Variants in RAD51B observed in about 807,000 individuals in gnomAD.
RAD51B encodes RAD51 paralog B, also known as DNA repair protein RAD51 homolog 2.
RAD51B carries 38 observed loss-of-function variants against 42.2 expected under a neutral mutation model. The ratio of observed to expected loss-of-function variants is 0.90; its 90% confidence interval spans 0.70 to 1.18. The LOEUF is 1.18. RAD51B is among the 50% of genes most tolerant of loss of function. The pLI, the probability that RAD51B is intolerant of heterozygous loss-of-function variation, is 0.00. For synonymous variants in RAD51B, 154 were observed against 145.2 expected (o/e 1.06, Z -0.43); for missense variants, 373 against 400.7 (o/e 0.93, Z 0.59).
chr14:68,071,114 T>C (rs531217206), intron 7 of RAD51B, among the ~76,000 whole-genome samples: 1 of 152,262 alleles, frequency 6.6e-6, no homozygotes, highest in South Asian at 2.1e-4. Context: ...ATGACATTGA[T>C]TTTGTATGCT....
chr14:68,393,037 G>A (rs558721409), intron 8 of RAD51B, among the ~76,000 whole-genome samples: 79 of 152,226 alleles, frequency 5.2e-4, no homozygotes, highest in Admixed American at 2.0e-3. Context: ...CCCCTATTGG[G>A]AAGGAGAAGA....
At chr14:68,203,552 A>G (rs1304403869) in intron 7 of RAD51B, among the ~76,000 whole-genome samples, 2 of 152,214 alleles carry the variant, frequency 1.3e-5, no homozygotes, top group Non-Finnish European at 2.9e-5. Flanking sequence ...GCTTCAAGTT[A>G]GAGTCATCAG....
At chr14:68,146,577 T>C (rs2078254060) in intron 7 of RAD51B, among the ~76,000 whole-genome samples, 1 of 152,172 alleles carries the variant, frequency 6.6e-6, no homozygotes, top group Non-Finnish European at 1.5e-5. Flanking sequence ...CTTAAGGAAC[T>C]AGACAGAATT....
intron 10 of RAD51B, among the ~76,000 whole-genome samples, chr14:68,513,665 G>A (rs1423554624): frequency 6.6e-6 from 1 of 152,216 alleles, no homozygotes; most frequent in African/African-American, 2.4e-5. Context: ...CAGGGGAGCA[G>A]AGAGAAAGGG....
At chr14:67,858,653 G>A (rs115111709) in intron 4 of RAD51B, among the ~76,000 whole-genome samples, 269 of 152,338 alleles carry the variant, frequency 1.8e-3, no homozygotes, top group African/African-American at 6.3e-3. Context: ...CCAGAGGAAA[G>A]CGTGCCAAAC....
Position 67,825,546 on chromosome 14 carries a change from T to G in RAD51B, c.167T>G (p.Val56Gly), listed in dbSNP as rs2040800864. Reference protein sequence around the residue: ...YRGVHELLCMVSRACAPKMQT... With the variant: ...YRGVHELLCMGSRACAPKMQT... The stretch of plus-strand genomic sequence containing the variant: ...GGTGTCCATGAACTTCTATGTATGG[T>G]CAGCAGGGCCTGTGCCCCAAAGATG... The change falls in exon 3 of 11, where the codon GTC (valine) becomes GGC (glycine). Residue 56 changes from valine to glycine, a missense_variant. Val to Gly is a moderately radical substitution (Grantham distance 109). Coordinates refer to ENST00000471583, the MANE Select transcript of RAD51B (RefSeq NM_133510.4). 3 of 1,612,772 alleles carry G rather than the reference T, an allele frequency of 1.9e-6. No homozygotes were observed. Among genetic ancestry groups the G allele is most frequent in the Non-Finnish European group, 1.7e-6 (2 of 1,179,156 alleles).
At chr14:68,666,755 A>G (rs539084536) in intron 11 of RAD51B, among the ~76,000 whole-genome samples, 1 of 152,360 alleles carries the variant, frequency 6.6e-6, no homozygotes, top group East Asian at 1.9e-4. Context: ...TTTCCTATGA[A>G]ATAATAAAAA....
chr14:68,533,950 T>C (rs1252652902), intron 10 of RAD51B, among the ~76,000 whole-genome samples: 2 of 152,180 alleles, frequency 1.3e-5, no homozygotes, highest in Non-Finnish European at 2.9e-5. Context: ...TGTAAGGCAG[T>C]GTTTATAACA....
chr14:68,544,765 T>TAA (rs1888135305), intron 10 of RAD51B, among the ~76,000 whole-genome samples: 1 of 152,144 alleles, frequency 6.6e-6, no homozygotes, highest in African/African-American at 2.4e-5. Flanking sequence ...GCATCAAGCC[T>TAA]AAAAAAATGC....
intron 9 of RAD51B, among the ~76,000 whole-genome samples, chr14:68,440,974 T>C (rs1426577884): frequency 1.3e-5 from 2 of 152,212 alleles, no homozygotes; most frequent in Admixed American, 6.5e-5. Context: ...AGGATACTTA[T>C]GTAGTTGTTT....
chr14:68,681,252 C>G (rs1893423748), intron 11 of RAD51B, among the ~76,000 whole-genome samples: 2 of 152,054 alleles, frequency 1.3e-5, no homozygotes, highest in Admixed American at 6.6e-5. Context: ...AAGATAGTTG[C>G]TAGGGTTTAT....
At chr14:68,627,722 C>G (rs1426310520) in intron 10 of RAD51B, among the ~76,000 whole-genome samples, 2 of 152,202 alleles carry the variant, frequency 1.3e-5, no homozygotes, top group East Asian at 1.9e-4. Flanking sequence ...CCACCTCCCC[C>G]CAACTCACTC....
chr14:68,586,500 CA>C (rs1207380294), intron 10 of RAD51B, among the ~76,000 whole-genome samples: 1 of 152,146 alleles, frequency 6.6e-6, no homozygotes, highest in Non-Finnish European at 1.5e-5. Flanking sequence ...AGGGTGATGT[CA>C]GGGGAGGTGG....
intron 9 of RAD51B, among the ~76,000 whole-genome samples, chr14:68,459,188 C>T (rs952984264): frequency 1.3e-5 from 2 of 152,196 alleles, no homozygotes; most frequent in Non-Finnish European, 2.9e-5. Flanking sequence ...GCATTTCCGG[C>T]CCTTCTGTCC....
rs144348796 is a variant in RAD51B at position 67,835,155 on chromosome 14, G to A, written c.274G>A (p.Glu92Lys). The A allele has an allele frequency of 4.4e-5, 71 of 1,613,944 alleles. No individual in the cohort carries two copies. Among genetic ancestry groups the A allele is most frequent in the Non-Finnish European group, 5.6e-5 (66 of 1,179,962 alleles). The change falls in exon 4 of 11, where the codon GAA (glutamate) becomes AAA (lysine). Residue 92 changes from glutamate (E) to lysine (K), a missense_variant. Coordinates refer to ENST00000471583, the MANE Select transcript of RAD51B (RefSeq NM_133510.4). ...ATCTACTACCCTTTCTGCTTTGGACGAAGCCCTGCATGGTGGTGTGGCTTG... is the reference window on the plus strand; with the variant it reads ...ATCTACTACCCTTTCTGCTTTGGACAAAGCCCTGCATGGTGGTGTGGCTTG... ...FLSTTLSALD[E>K]ALHGGVACGS...
At chr14:67,842,788 A>G (rs1464349950) in intron 4 of RAD51B, among the ~76,000 whole-genome samples, 2 of 152,112 alleles carry the variant, frequency 1.3e-5, no homozygotes, top group African/African-American at 4.8e-5. Context: ...CCTGTTTAGA[A>G]TGATGTTGGC....
intron 5 of RAD51B, among the ~76,000 whole-genome samples, chr14:67,866,344 A>G (rs1354764123): frequency 6.6e-6 from 1 of 152,220 alleles, no homozygotes; most frequent in East Asian, 1.9e-4. Flanking sequence ...AAAGCTGGTA[A>G]AGACTGGTTC....
At chr14:68,521,884 C>A (rs1457450126) in intron 10 of RAD51B, among the ~76,000 whole-genome samples, 1 of 152,188 alleles carries the variant, frequency 6.6e-6, no homozygotes, top group Non-Finnish European at 1.5e-5. Context: ...CCTACATTAA[C>A]CCTATGTTAA....
intron 8 of RAD51B, among the ~76,000 whole-genome samples, chr14:68,402,499 C>T (rs183316935): frequency 3.9e-5 from 6 of 152,300 alleles, no homozygotes; most frequent in Admixed American, 6.5e-5. Context: ...CTCAGACTCC[C>T]GTCTTTAAGC....
Sources: allele counts gnomAD v4.1 joint callset (sites outside exome capture counted in the v4.1 genomes callset), GRCh38; gene constraint gnomAD v4.1.1; transcripts MANE v1.5; gene names NCBI Gene and HGNC (gene_info 2026-07-23, HGNC 2026-07-21).